The following NECTIN1 variants were observed in gnomAD, a reference collection of about 807,000 sequenced individuals.
The protein encoded by NECTIN1 is nectin-1.
NECTIN1 carries 23 observed loss-of-function variants against 48.0 expected under a neutral mutation model. The observed-to-expected ratio is 0.48, with a 90% CI of 0.34 to 0.68. NECTIN1 has a LOEUF of 0.68. Ranked by LOEUF, NECTIN1 falls within the 30% of genes least tolerant of loss-of-function variation. The pLI, the probability that NECTIN1 is intolerant of heterozygous loss-of-function variation, is 0.01. For missense variants in NECTIN1, 591 were observed against 709.9 expected (o/e 0.83, Z 1.90); for synonymous variants, 270 against 288.9 (o/e 0.93, Z 0.66).
chr11:119,709,600 C>G lies in NECTIN1; in HGVS notation c.79+18875G>C, dbSNP rs983578067. Among the ~76,000 whole-genome samples the G allele has an allele frequency of 6.6e-6, 1 of 151,786 alleles. No homozygotes were observed. Among genetic ancestry groups the G allele is most frequent in the Non-Finnish European group, 1.5e-5 (1 of 67,990 alleles). On this transcript the variant is annotated intron_variant, in intron 1 of 5. Transcript: ENST00000264025. The surrounding 1 kb of genome is among the most constrained non-coding windows in gnomAD (Gnocchi z 4.1). The stretch of plus-strand genomic sequence containing the variant: ...GGCAGAAGGTGCTCTTGAATGGAAG[C>G]AGGGAGGGAGGGGAGCCCCGTGTGG...
chr11:119,662,944 C>T lies in NECTIN1; in HGVS notation c.*1803G>A, dbSNP rs926716130. 7 of 985,052 alleles carry T rather than the reference C, an allele frequency of 7.1e-6. No homozygotes were observed. Among genetic ancestry groups the T allele is most frequent in the African/African-American group, 3.5e-5 (2 of 57,172 alleles). 61.0% of individuals were successfully genotyped at this position (985,052 alleles called of 1,614,324 possible). On this transcript the variant is annotated 3_prime_UTR_variant, in exon 6 of 6. Coordinates refer to ENST00000264025, the MANE Select transcript of NECTIN1 (RefSeq NM_002855.5). The surrounding 1 kb of genome is among the most constrained non-coding windows in gnomAD (Gnocchi z 5.3). ...GGCCAGGGCAGTGAGGGCCAGACAA[C>T]GACGACCCACCTGCTGGGCCCAGGG...
At chr11:119,644,779 G>A (rs1212872543) in intron 5 of NECTIN1, among the ~76,000 whole-genome samples, 1 of 152,104 alleles carries the variant, frequency 6.6e-6, no homozygotes, top group East Asian at 1.9e-4. Context: ...GTGAAATGTG[G>A]GGTATATGAG....
At chr11:119,692,618 C>T (rs1186266480) in intron 1 of NECTIN1, among the ~76,000 whole-genome samples, 1 of 152,254 alleles carries the variant, frequency 6.6e-6, no homozygotes, top group Non-Finnish European at 1.5e-5. Context: ...ATGGCAAGAA[C>T]AGTTAACACA....
At chr11:119,648,301 GTGGTGATGGTGGTGA>G (rs1565376527) in intron 5 of NECTIN1, among the ~76,000 whole-genome samples, 2 of 12,922 alleles carry the variant, frequency 1.5e-4, no homozygotes, top group Middle Eastern at 0.025. Context: ...GGTGGTGGTG[GTGGTGATGGTGGTGA>G]TGGTGATGGT....
intron 5 of NECTIN1, among the ~76,000 whole-genome samples, chr11:119,667,073 A>G (rs1349997585): frequency 6.6e-6 from 1 of 152,152 alleles, no homozygotes; most frequent in African/African-American, 2.4e-5. Flanking sequence ...GCAGCTGCCC[A>G]GTACATATCC....
At chr11:119,691,506 G>A (rs1865252024) in intron 1 of NECTIN1, among the ~76,000 whole-genome samples, 1 of 152,228 alleles carries the variant, frequency 6.6e-6, no homozygotes, top group Non-Finnish European at 1.5e-5. Flanking sequence ...AGGGGGCACG[G>A]TGCTGCCCAC....
At chr11:119,646,396 A>C (rs1276455732) in intron 5 of NECTIN1, among the ~76,000 whole-genome samples, 2 of 152,258 alleles carry the variant, frequency 1.3e-5, no homozygotes, top group Admixed American at 1.3e-4. Context: ...TTCAATAAAC[A>C]GAAATGGATG....
chr11:119,680,647 A>C (rs1865044477), intron 1 of NECTIN1, among the ~76,000 whole-genome samples: 1 of 152,198 alleles, frequency 6.6e-6, no homozygotes, highest in Non-Finnish European at 1.5e-5. Flanking sequence ...GTAGCTACTC[A>C]AGAAATGCTT....
intron 1 of NECTIN1, among the ~76,000 whole-genome samples, chr11:119,715,993 G>T (rs1851768444): frequency 6.6e-6 from 1 of 152,216 alleles, no homozygotes; most frequent in South Asian, 2.1e-4. Flanking sequence ...GAACCTGTCT[G>T]CCTCTCCCAC....
At chr11:119,725,183 G>T (rs1865890792) in intron 1 of NECTIN1, among the ~76,000 whole-genome samples, 1 of 152,168 alleles carries the variant, frequency 6.6e-6, no homozygotes, top group South Asian at 2.1e-4. Context: ...TGGTCCACTT[G>T]CTCAGTCATC....
intron 5 of NECTIN1, chr11:119,674,584 G>A: frequency 6.2e-7 from 1 of 1,614,214 alleles, no homozygotes; most frequent in Non-Finnish European, 8.5e-7. Context: ...CCCAGGTGAA[G>A]TCTCTCCTCA....
At position 119,661,156 on chromosome 11, in the gene NECTIN1, C is replaced by T. The variant is rs1439251943; in HGVS notation, c.*3591G>A. ...GTCCCTGGACCAAAGGCGGAAAGGG[C>T]GACAAGACGCCGAAGCAAGGTAGCG... On this transcript the variant is annotated 3_prime_UTR_variant, in exon 6 of 6. Transcript: ENST00000264025. 20 of 985,664 alleles carry T rather than the reference C, an allele frequency of 2.0e-5. No individual in the cohort carries two copies. Among genetic ancestry groups the T allele is most frequent in the Non-Finnish European group, 2.4e-5 (20 of 829,954 alleles). 61.1% of individuals were successfully genotyped at this position (985,664 alleles called of 1,614,324 possible).
At position 119,664,444 on chromosome 11, in the gene NECTIN1, C is replaced by G. The variant is rs113478149; in HGVS notation, c.*303G>C. 8.4e-7 allele frequency: 1 copy of G among 1,187,938 alleles called. No homozygotes were observed. Among genetic ancestry groups the G allele is most frequent in the Non-Finnish European group, 1.0e-6 (1 of 955,848 alleles). 73.6% of individuals were successfully genotyped at this position (1,187,938 alleles called of 1,614,324 possible). A position where few individuals can be genotyped will look rare whatever the true frequency, so the allele number is the denominator to read the frequency against. On this transcript the variant is annotated 3_prime_UTR_variant, in exon 6 of 6. Transcript: ENST00000264025. ...TGGAGGGATGCCCAGGTACACAAGA[C>G]GAGAACAGGGCTCCCTACACAGAGG...
In NECTIN1 at chr11:119,638,856, C is replaced by G. The variant is rs748491349; in HGVS notation, c.1152-50G>C. ...CAGCACAGGAGCACACATGGGGGCTCTCCCCATCAGGCCACCAGACAGCTA... is the reference window on the plus strand; with the variant it reads ...CAGCACAGGAGCACACATGGGGGCTGTCCCCATCAGGCCACCAGACAGCTA... On this transcript the variant is annotated intron_variant, in intron 6 of 7. Coordinates refer to the NECTIN1 transcript ENST00000341398. 5.3e-6 allele frequency: 8 copies of G among 1,505,224 alleles called. No homozygotes were observed. In the East Asian group the frequency reaches 1.8e-4, roughly 34 times the overall value. 93.2% of individuals were successfully genotyped at this position (1,505,224 alleles called of 1,614,324 possible). A position where few individuals can be genotyped will look rare whatever the true frequency, so the allele number is the denominator to read the frequency against.
At chr11:119,725,132 T>C (rs1865890042) in intron 1 of NECTIN1, among the ~76,000 whole-genome samples, 1 of 152,130 alleles carries the variant, frequency 6.6e-6, no homozygotes, top group African/African-American at 2.4e-5. Context: ...AATGGCAGTA[T>C]CATAGACAGC....
chr11:119,682,331 AG>A (rs1456068496), intron 1 of NECTIN1, among the ~76,000 whole-genome samples: 1 of 152,162 alleles, frequency 6.6e-6, no homozygotes, highest in Non-Finnish European at 1.5e-5. Context: ...GATTGATAAA[AG>A]GCAGCCTGCT....
rs144126784 is a variant in NECTIN1 at position 119,644,137 on chromosome 11, C to A, written c.1004-4125G>T. 1.4e-4 allele frequency among the ~76,000 whole-genome samples: 21 copies of A among 152,370 alleles called. No individual in the cohort carries two copies. In the South Asian group the frequency reaches 2.3e-3, roughly 17 times the overall value. ...GCCTCTGGGGGTCACACCAGTGACA[C>A]TCCCTGGGCCTCAGTTCTCTCACCT... On this transcript the variant is annotated intron_variant, in intron 5 of 7. Coordinates refer to the NECTIN1 transcript ENST00000341398.
At chr11:119,723,497 G>A (rs775549616) in intron 1 of NECTIN1, among the ~76,000 whole-genome samples, 20 of 152,128 alleles carry the variant, frequency 1.3e-4, no homozygotes, top group Non-Finnish European at 2.4e-4. Flanking sequence ...AGCTGCCCCC[G>A]CCTGAGAATA....
chr11:119,690,243 C>A (rs544863635), intron 1 of NECTIN1, among the ~76,000 whole-genome samples: 30 of 152,312 alleles, frequency 2.0e-4, no homozygotes, highest in Non-Finnish European at 3.5e-4. Context: ...GGTGGCACAA[C>A]CATGGACTGA....
Sources: allele counts gnomAD v4.1 joint callset (sites outside exome capture counted in the v4.1 genomes callset), GRCh38; gene constraint gnomAD v4.1.1; non-coding constraint Gnocchi (gnomAD v3.1); transcripts MANE v1.5; gene names NCBI Gene and HGNC (gene_info 2026-07-23, HGNC 2026-07-21).